The following PDE4D variants were observed in gnomAD, a reference collection of about 807,000 sequenced individuals.
PDE4D encodes phosphodiesterase 4D.
PDE4D carries 24 observed loss-of-function variants against 87.4 expected under a neutral mutation model. That is an observed-to-expected ratio of 0.27 (90% CI 0.20 to 0.39). The LOEUF (loss-of-function observed/expected upper bound fraction) is 0.39. Ranked by LOEUF, PDE4D falls within the 10% of genes least tolerant of loss-of-function variation. PDE4D has a pLI of 1.00. For missense variants in PDE4D, 714 were observed against 1,041.0 expected (o/e 0.69, Z 4.32); for synonymous variants, 384 against 383.2 (o/e 1.00, Z -0.02).
At chr5:59,553,393 A>C (rs921611844) in intron 1 of PDE4D, among the ~76,000 whole-genome samples, 3 of 152,194 alleles carry the variant, frequency 2.0e-5, no homozygotes, top group Admixed American at 6.6e-5. Flanking sequence ...CCATGCCAAC[A>C]GTCCACTCCT....
intron 1 of PDE4D, among the ~76,000 whole-genome samples, chr5:60,293,616 C>T (rs1353371611): frequency 1.3e-5 from 2 of 152,216 alleles, no homozygotes; most frequent in African/African-American, 4.8e-5. Context: ...TCAGTCTTCC[C>T]TTTCAGAGGC....
chr5:59,871,691 T>A (rs557461541), intron 1 of PDE4D, among the ~76,000 whole-genome samples: 1 of 152,186 alleles, frequency 6.6e-6, no homozygotes, highest in Non-Finnish European at 1.5e-5. Context: ...CCATACACAC[T>A]GAAATTTGCC....
At chr5:59,762,788 T>C (rs1304380289) in intron 1 of PDE4D, among the ~76,000 whole-genome samples, 1 of 145,050 alleles carries the variant, frequency 6.9e-6, no homozygotes, top group African/African-American at 2.5e-5. Context: ...TACACACACA[T>C]ATTTTATATA....
At chr5:59,783,073 G>T (rs1263509659) in intron 1 of PDE4D, among the ~76,000 whole-genome samples, 1 of 152,174 alleles carries the variant, frequency 6.6e-6, no homozygotes, top group Non-Finnish European at 1.5e-5. Flanking sequence ...TTACCCAGGA[G>T]ATTCTAGAAA....
chr5:59,609,992 A>G (rs561039433), intron 1 of PDE4D, among the ~76,000 whole-genome samples: 2 of 152,290 alleles, frequency 1.3e-5, no homozygotes, highest in East Asian at 3.9e-4. Context: ...AGAGAGCAAG[A>G]AGGGAGATGT....
intron 1 of PDE4D, among the ~76,000 whole-genome samples, chr5:59,568,870 G>A (rs898657365): frequency 2.0e-5 from 3 of 152,120 alleles, no homozygotes; most frequent in Non-Finnish European, 2.9e-5. Context: ...GTAAAACTAA[G>A]GATATATGAA....
chr5:59,376,517 G>A (rs779677157), intron 1 of PDE4D, among the ~76,000 whole-genome samples: 18 of 152,046 alleles, frequency 1.2e-4, no homozygotes, highest in African/African-American at 2.7e-4. Flanking sequence ...ACATAACACT[G>A]CTCAAACAAA....
chr5:59,411,362 G>A lies in PDE4D; in HGVS notation c.456-195394C>T, dbSNP rs150983161. ...ACTTTATTGTCTTCTATTCTTTACCGTCATTTGACAAGAGGGCTTTCAAAG... is the reference window on the plus strand; with the variant it reads ...ACTTTATTGTCTTCTATTCTTTACCATCATTTGACAAGAGGGCTTTCAAAG... On this transcript the variant is annotated intron_variant, in intron 1 of 14. Transcript: ENST00000340635. 1.6e-4 allele frequency among the ~76,000 whole-genome samples: 24 copies of A among 151,796 alleles called. 1 individual carries two copies. The highest frequency in any genetic ancestry group is 3.3e-4 in the Admixed American group (5 of 15,246).
intron 5 of PDE4D, among the ~76,000 whole-genome samples, chr5:59,137,732 T>G (rs920937867): frequency 6.6e-6 from 1 of 152,154 alleles, no homozygotes; most frequent in African/African-American, 2.4e-5. Flanking sequence ...TTCACCGTAT[T>G]AACCAGGATG....
At chr5:59,981,779 ATTAATACCTTCTTAAGT>A (rs1761956742) in intron 3 of PDE4D, among the ~76,000 whole-genome samples, 2 of 152,222 alleles carry the variant, frequency 1.3e-5, no homozygotes, top group African/African-American at 4.8e-5. Context: ...TGAAATGCCC[ATTAATACCTTCTTAAGT>A]TTAAAAGGCC....
chr5:59,690,695 C>A (rs1205576438), intron 1 of PDE4D, among the ~76,000 whole-genome samples: 1 of 152,108 alleles, frequency 6.6e-6, no homozygotes, highest in African/African-American at 2.4e-5. Context: ...AAAGCAATGG[C>A]AACAAAAGCC....
intron 1 of PDE4D, among the ~76,000 whole-genome samples, chr5:59,549,463 A>G (rs1817768189): frequency 6.6e-6 from 1 of 152,172 alleles, no homozygotes; most frequent in South Asian, 2.1e-4. Context: ...GCACATGCAA[A>G]TCTCTTTAGC....
intron 1 of PDE4D, among the ~76,000 whole-genome samples, chr5:59,838,747 A>G (rs931444313): frequency 2.6e-5 from 4 of 152,074 alleles, no homozygotes; most frequent in African/African-American, 9.7e-5. Context: ...AACTGTCTAC[A>G]GGGCAATTTT....
chr5:60,155,613 T>C (rs901517730), intron 2 of PDE4D, among the ~76,000 whole-genome samples: 2 of 152,198 alleles, frequency 1.3e-5, no homozygotes, highest in African/African-American at 4.8e-5. Flanking sequence ...GCATCTACTA[T>C]ATATGCTAGA....
chr5:59,266,508 A>G (rs1049590118), intron 1 of PDE4D, among the ~76,000 whole-genome samples: 2 of 151,920 alleles, frequency 1.3e-5, no homozygotes, highest in Non-Finnish European at 2.9e-5. Context: ...AGAGAAGGAA[A>G]ACTGCAATTT....
In PDE4D at chr5:60,202,158, A is replaced by T. The variant is rs550724663; in HGVS notation, c.-89-16471T>A. On this transcript the variant is annotated intron_variant, in intron 1 of 16. Coordinates refer to the PDE4D transcript ENST00000502484. ...AAGTGCATAAACTATGAATAAAATG[A>T]TTTCATTAATTTTATTTATCTATTT... 2.3e-4 allele frequency among the ~76,000 whole-genome samples: 35 copies of T among 152,212 alleles called. No homozygotes were observed. The East Asian group carries it at 6.4e-3, about 28-fold the overall frequency.
chr5:59,861,026 A>ATTTT (rs33992679), intron 1 of PDE4D, among the ~76,000 whole-genome samples: 1 of 134,966 alleles, frequency 7.4e-6, no homozygotes, highest in African/African-American at 2.7e-5. Flanking sequence ...CACCTAGATA[A>ATTTT]TTTTTTTTTT....
At chr5:60,187,771 C>G (rs1784897257) in intron 1 of PDE4D, among the ~76,000 whole-genome samples, 1 of 152,096 alleles carries the variant, frequency 6.6e-6, no homozygotes, top group Non-Finnish European at 1.5e-5. Flanking sequence ...CTAGGAGGCA[C>G]CTAGCGTCAG....
rs944066890 is a variant in PDE4D, at chr5:60,185,451, T to G, written c.42+106A>C. The G allele has an allele frequency of 1.3e-5, 8 of 639,064 alleles. No homozygotes were observed. The African/African-American group carries it at 1.5e-4, about 12-fold the overall frequency. The allele number at this position is 639,064 out of a possible 1,614,324, so 39.6% of individuals were successfully genotyped here. ...AGAGAACTGAAAGTTGACTAAACGT[T>G]TCCCACAAGCCTAATCATGATAGCA... On this transcript the variant is annotated intron_variant, in intron 2 of 16. Coordinates refer to the PDE4D transcript ENST00000502484.
Sources: gnomAD v4.1 joint callset for allele counts (sites outside exome capture counted in the v4.1 genomes callset) on GRCh38, gnomAD v4.1.1 for gene constraint, MANE v1.5 for transcripts, NCBI Gene and HGNC (gene_info 2026-07-23, HGNC 2026-07-21) for gene names.